The following SEMA4B variants were observed in gnomAD, a reference collection of about 807,000 sequenced individuals.
SEMA4B encodes the protein semaphorin 4B.
In SEMA4B, 55 loss-of-function variants were observed where a neutral mutation model predicts 88.1. The observed-to-expected ratio is 0.62, with a 90% CI of 0.50 to 0.78. The LOEUF is 0.78. SEMA4B is among the 30% of genes least tolerant of loss of function. The pLI is 0.00. For missense variants in SEMA4B, 1,062 were observed against 1,111.9 expected, an observed-to-expected ratio of 0.96 and a Z score of 0.64; for synonymous variants, 525 against 473.6, an observed-to-expected ratio of 1.11 and a Z score of -1.41.
At chr15:90,196,244 T>C (rs557440312) in intron 1 of SEMA4B, among the ~76,000 whole-genome samples, 18 of 152,224 alleles carry the variant, frequency 1.2e-4, no homozygotes, top group African/African-American at 4.1e-4. Context: ...GTACTTCTTA[T>C]TGCATCATAT....
chr15:90,214,411 G>A (rs1216490737), intron 1 of SEMA4B, among the ~76,000 whole-genome samples: 1 of 151,856 alleles, frequency 6.6e-6, no homozygotes, highest in Non-Finnish European at 1.5e-5. Flanking sequence ...GCCGAGGCGG[G>A]TGGATCACAT....
At chr15:90,205,266 C>G (rs1361266572) in intron 1 of SEMA4B, among the ~76,000 whole-genome samples, 1 of 152,224 alleles carries the variant, frequency 6.6e-6, no homozygotes, top group East Asian at 1.9e-4. Context: ...GAGGAGGCAG[C>G]CAGGGTCAAG....
chr15:90,193,175 A>T (rs987702424), intron 1 of SEMA4B: 1 of 152,142 alleles, frequency 6.6e-6, no homozygotes, highest in African/African-American at 2.4e-5. Flanking sequence ...GCTGAGAAAG[A>T]CTCGCCAACA....
chr15:90,185,063 T>G lies in SEMA4B; in HGVS notation c.-140T>G. 5.1e-6 allele frequency: 5 copies of G among 984,992 alleles called. No homozygotes were observed. The South Asian group carries it at 2.4e-4, about 46-fold the overall frequency. 61.0% of individuals were successfully genotyped at this position (984,992 alleles called of 1,614,324 possible). On this transcript the variant is annotated 5_prime_UTR_variant, in exon 1 of 15. Coordinates refer to the SEMA4B transcript ENST00000332496. Reference sequence around the variant, plus strand: ...CCCGCGGGGGGCGATGACCGTGCGCTGACCCTGACTCACTCCAGGTAGGCG... The same window carrying G: ...CCCGCGGGGGGCGATGACCGTGCGCGGACCCTGACTCACTCCAGGTAGGCG...
intron 1 of SEMA4B, among the ~76,000 whole-genome samples, chr15:90,202,468 G>T (rs961118924): frequency 6.6e-6 from 1 of 152,174 alleles, no homozygotes; most frequent in African/African-American, 2.4e-5. Context: ...CTGCTTCTGT[G>T]GCCACCTCCT....
intron 1 of SEMA4B, among the ~76,000 whole-genome samples, chr15:90,204,186 C>T (rs1481376044): frequency 6.6e-6 from 1 of 152,170 alleles, no homozygotes; most frequent in African/African-American, 2.4e-5. Flanking sequence ...GGGCCCAGGG[C>T]CCTAGTGCCC....
intron 1 of SEMA4B, among the ~76,000 whole-genome samples, chr15:90,194,497 A>G (rs183122634): frequency 6.6e-6 from 1 of 151,874 alleles, no homozygotes; most frequent in Admixed American, 6.6e-5. Flanking sequence ...ATGCCATTGC[A>G]CTCCAGCCTG....
At chr15:90,201,327 G>A (rs1030608785), upstream of SEMA4B, 2 of 1,189,002 alleles carry the variant, frequency 1.7e-6, no homozygotes, top group East Asian at 3.7e-5. Context: ...CCCGCCCTCC[G>A]CCGCTTGCGG....
In SEMA4B at chr15:90,225,614, C is replaced by T. The variant is rs551979078; in HGVS notation, c.1522-47C>T. The T allele has an allele frequency of 1.1e-4, 176 of 1,540,812 alleles. No individual in the cohort carries two copies. In the South Asian group the frequency reaches 2.0e-3, roughly 17 times the overall value. On this transcript the variant is annotated intron_variant, in intron 11 of 13. Transcript: ENST00000411539. ...CAAGCCGGGTGGCCATGGGTGATGG[C>T]CCTGGCTGCCCATGCCCGCTTCTCA...
chr15:90,225,087 G>A lies in SEMA4B; in HGVS notation c.1314G>A (p.Leu438=). ...ACGGGCAGGTCCGAAGCCGCATGCT[G>A]CTGCTGCAGCCCCAGGCTCGCTACC... The part of the protein sequence containing the change: ...LMDGQVRSRM[L]LLQPQARYQR... The change falls in exon 10 of 14, where the codon CTG becomes CTA. Residue 438 remains leucine (L), a synonymous_variant. Coordinates refer to ENST00000411539, the MANE Select transcript of SEMA4B (RefSeq NM_198925.4). The A allele has an allele frequency of 6.2e-7, 1 of 1,613,818 alleles. No homozygotes were observed. Among genetic ancestry groups the A allele is most frequent in the African/African-American group, 1.3e-5 (1 of 75,050 alleles).
At chr15:90,217,307 C>T in intron 1 of SEMA4B, 132 bp from the exon 2 acceptor site, 1 of 827,100 alleles carries the variant, frequency 1.2e-6, no homozygotes, top group East Asian at 2.7e-5. Flanking sequence ...TCCCCCTGCC[C>T]CCAGCCCCTT....
intron 1 of SEMA4B, among the ~76,000 whole-genome samples, chr15:90,188,756 C>T (rs924550775): frequency 1.3e-5 from 2 of 152,048 alleles, no homozygotes; most frequent in Non-Finnish European, 2.9e-5. Context: ...CAAGCTCCGC[C>T]CCCCGGATTC....
chr15:90,209,317 G>A (rs1318189019), intron 1 of SEMA4B, among the ~76,000 whole-genome samples: 2 of 152,192 alleles, frequency 1.3e-5, no homozygotes, highest in Admixed American at 6.5e-5. Flanking sequence ...TTGGGAGGCC[G>A]AGGCAGGCGG....
chr15:90,189,294 C>T (rs1051699305), intron 1 of SEMA4B, among the ~76,000 whole-genome samples: 2 of 152,158 alleles, frequency 1.3e-5, no homozygotes, highest in Non-Finnish European at 2.9e-5. Context: ...TAACTTGAGA[C>T]AAAACGTGGT....
intron 6 of SEMA4B, 28 bp downstream of exon 6, chr15:90,221,508 G>A (rs548348003): frequency 1.2e-6 from 2 of 1,606,518 alleles, no homozygotes; most frequent in Admixed American, 3.4e-5. Context: ...CCACCCAGAG[G>A]GCAGGGATCC....
intron 1 of SEMA4B, among the ~76,000 whole-genome samples, chr15:90,208,876 G>A (rs540055963): frequency 5.9e-5 from 9 of 151,928 alleles, no homozygotes; most frequent in Non-Finnish European, 1.2e-4. Context: ...TGAGTAGCTG[G>A]GACCTCAGGC....
chr15:90,187,841 C>T (rs1262317961), intron 1 of SEMA4B, among the ~76,000 whole-genome samples: 2 of 151,802 alleles, frequency 1.3e-5, no homozygotes, highest in African/African-American at 4.8e-5. Context: ...CTTGTCTCTA[C>T]TAAAAATACA....
chr15:90,215,951 G>C (rs1339994741), intron 1 of SEMA4B, among the ~76,000 whole-genome samples: 1 of 151,972 alleles, frequency 6.6e-6, no homozygotes, highest in Non-Finnish European at 1.5e-5. Context: ...AATCATTTAG[G>C]GTTCTTAGGG....
upstream of SEMA4B, among the ~76,000 whole-genome samples, chr15:90,199,941 C>T (rs1392189610): frequency 6.6e-6 from 1 of 152,132 alleles, no homozygotes; most frequent in African/African-American, 2.4e-5. Flanking sequence ...TTAGAGTAAG[C>T]ATCCAAACCT....
Sources: gnomAD v4.1 joint callset for allele counts (sites outside exome capture counted in the v4.1 genomes callset) on GRCh38, gnomAD v4.1.1 for gene constraint, MANE v1.5 for transcripts, NCBI Gene and HGNC (gene_info 2026-07-23, HGNC 2026-07-21) for gene names.